CHD6: variants seen among roughly 807,000 people sequenced by gnomAD.
CHD6 encodes chromodomain helicase DNA binding protein 6.
In CHD6, 50 loss-of-function variants were observed where a neutral mutation model predicts 276.9. That is an observed-to-expected ratio of 0.18 (90% CI 0.14 to 0.23). The LOEUF is 0.23. Ranked by LOEUF, CHD6 falls within the 10% of genes least tolerant of loss-of-function variation. CHD6 has a pLI of 1.00. For synonymous variants in CHD6, 1,173 were observed against 1,229.3 expected, an observed-to-expected ratio of 0.95 and a Z score of 0.96; for missense variants, 2,564 against 3,365.8, an observed-to-expected ratio of 0.76 and a Z score of 5.89.
At chr20:41,565,695 T>C (rs968499981) in intron 1 of CHD6, among the ~76,000 whole-genome samples, 5 of 149,726 alleles carry the variant, frequency 3.3e-5, no homozygotes, top group Admixed American at 2.7e-4. Flanking sequence ...GCTCTCTTAG[T>C]ACTACATCAA....
At chr20:41,411,823 T>C (rs1183821907) in intron 36 of CHD6, among the ~76,000 whole-genome samples, 1 of 152,228 alleles carries the variant, frequency 6.6e-6, no homozygotes, top group Non-Finnish European at 1.5e-5. Context: ...TTTTGTTCAC[T>C]GACAAAGGTT....
chr20:41,421,243 T>C lies in CHD6; in HGVS notation c.5392A>G (p.Arg1798Gly), dbSNP rs377024241. Residue 1798 changes from arginine (R) to glycine (G), a missense_variant, in exon 31 of 37, where the codon AGA becomes GGA. By Grantham distance (125) the Arg-to-Gly change is moderately radical. Coordinates refer to ENST00000373233, the MANE Select transcript of CHD6 (RefSeq NM_032221.5). ...GELCCSEAGQ[R>G]PENIGQLEAK... ...TCCAGCTGGCCAATGTTTTCAGGTC[T>C]CTGTCCTGCCTCACTGCAGCAGAGC... 6.2e-7 allele frequency: 1 copy of C among 1,614,090 alleles called. No homozygotes were observed. The highest frequency in any genetic ancestry group is 1.3e-5 in the African/African-American group (1 of 75,062).
chr20:41,592,251 C>T (rs919744720), intron 1 of CHD6, among the ~76,000 whole-genome samples: 4 of 152,012 alleles, frequency 2.6e-5, no homozygotes, highest in African/African-American at 9.7e-5. Flanking sequence ...TATTCTCTAC[C>T]TAATTTCTTT....
chr20:41,437,872 G>C (rs2047764538), intron 26 of CHD6, among the ~76,000 whole-genome samples: 1 of 151,934 alleles, frequency 6.6e-6, no homozygotes, highest in South Asian at 2.1e-4. Context: ...GAGAATGAGA[G>C]AAACTATCAC....
intron 25 of CHD6, among the ~76,000 whole-genome samples, chr20:41,443,166 T>C (rs145019341): frequency 3.3e-5 from 5 of 152,290 alleles, no homozygotes; most frequent in Non-Finnish European, 5.9e-5. Context: ...TCTTAACATC[T>C]CACAGGTGTG....
At chr20:41,576,503 T>C (rs1408363813) in intron 1 of CHD6, among the ~76,000 whole-genome samples, 5 of 152,072 alleles carry the variant, frequency 3.3e-5, no homozygotes, top group African/African-American at 1.2e-4. Context: ...CTGGCCAACA[T>C]GGTGAAACCC....
At chr20:41,420,064 C>T (rs1336603403) in intron 31 of CHD6, among the ~76,000 whole-genome samples, 1 of 152,126 alleles carries the variant, frequency 6.6e-6, no homozygotes. Flanking sequence ...CTTTTTTGCT[C>T]ACCTTAACAA....
At chr20:41,493,273 C>T (rs531319545) in intron 10 of CHD6, among the ~76,000 whole-genome samples, 2 of 152,116 alleles carry the variant, frequency 1.3e-5, no homozygotes, top group Non-Finnish European at 2.9e-5. Flanking sequence ...CTCCATACAA[C>T]AGCCGCACAC....
chr20:41,563,653 A>G (rs1419755361), intron 1 of CHD6, among the ~76,000 whole-genome samples: 1 of 152,242 alleles, frequency 6.6e-6, no homozygotes, highest in African/African-American at 2.4e-5. Flanking sequence ...GATAATAATT[A>G]CTATTAAGAA....
At chr20:41,490,520 G>A (rs757695599) in intron 11 of CHD6, among the ~76,000 whole-genome samples, 1 of 152,112 alleles carries the variant, frequency 6.6e-6, no homozygotes, top group Non-Finnish European at 1.5e-5. Flanking sequence ...TAGATTAAAA[G>A]TGGTATACCT....
At chr20:41,483,070 T>C (rs1175294174) in intron 16 of CHD6, among the ~76,000 whole-genome samples, 1 of 152,248 alleles carries the variant, frequency 6.6e-6, no homozygotes, top group Non-Finnish European at 1.5e-5. Context: ...GTGGAATTTT[T>C]TTTTTAAGCA....
At chr20:41,613,765 GGCAC>G in intron 1 of CHD6, among the ~76,000 whole-genome samples, 1 of 152,158 alleles carries the variant, frequency 6.6e-6, no homozygotes, top group South Asian at 2.1e-4. Context: ...GGGTATGAGA[GGCAC>G]AGATCCGTTT....
intron 2 of CHD6, among the ~76,000 whole-genome samples, chr20:41,549,944 G>A (rs552750065): frequency 1.1e-4 from 17 of 152,294 alleles, no homozygotes; most frequent in African/African-American, 1.7e-4. Context: ...GATTACAGGT[G>A]CTCGCCACCA....
chr20:41,488,928 C>A (rs1219965305), intron 12 of CHD6, among the ~76,000 whole-genome samples: 2 of 152,190 alleles, frequency 1.3e-5, no homozygotes, highest in Non-Finnish European at 2.9e-5. Context: ...GTTCACAAGT[C>A]CCCAGCCAGG....
chr20:41,599,417 G>T (rs923307721), intron 1 of CHD6, among the ~76,000 whole-genome samples: 10 of 152,134 alleles, frequency 6.6e-5, no homozygotes, highest in Admixed American at 3.3e-4. Flanking sequence ...TTAGAAAATG[G>T]AAGGGACTCA....
At chr20:41,548,692 T>C (rs1353602479) in intron 2 of CHD6, among the ~76,000 whole-genome samples, 1 of 151,846 alleles carries the variant, frequency 6.6e-6, no homozygotes, top group African/African-American at 2.4e-5. Flanking sequence ...GAAACTACCA[T>C]CACAGTGAAC....
At chr20:41,586,081 C>T (rs1283327327) in intron 1 of CHD6, among the ~76,000 whole-genome samples, 1 of 152,312 alleles carries the variant, frequency 6.6e-6, no homozygotes, top group Admixed American at 6.5e-5. Flanking sequence ...GGAGGAGGGA[C>T]AATGACTGGG....
intron 36 of CHD6, among the ~76,000 whole-genome samples, chr20:41,411,622 C>T (rs1424526127): frequency 1.3e-5 from 2 of 152,154 alleles, no homozygotes; most frequent in African/African-American, 2.4e-5. Flanking sequence ...ATAATTAACT[C>T]GGATTCGTTA....
chr20:41,504,346 T>C (rs117596251), intron 5 of CHD6, among the ~76,000 whole-genome samples: 110 of 151,412 alleles, frequency 7.3e-4, no homozygotes, highest in Middle Eastern at 3.4e-3. Flanking sequence ...ATAGATGTAA[T>C]TCTCTGTTGG....
Sources: allele counts gnomAD v4.1 joint callset (sites outside exome capture counted in the v4.1 genomes callset), GRCh38; gene constraint gnomAD v4.1.1; transcripts MANE v1.5; gene names NCBI Gene and HGNC (gene_info 2026-07-23, HGNC 2026-07-21).